TRAF6: variants seen among roughly 807,000 people sequenced by gnomAD.
TRAF6 encodes the protein TNF receptor associated factor 6.
In TRAF6, 10 loss-of-function variants were observed where a neutral mutation model predicts 48.4. The ratio of observed to expected loss-of-function variants is 0.21; its 90% CI spans 0.13 to 0.35. The LOEUF (loss-of-function observed/expected upper bound fraction) is 0.35. Among genes scored for constraint, TRAF6 ranks in the 10% least tolerant of loss-of-function variants. The probability of loss-of-function intolerance (pLI) is 1.00; values close to 1 mark genes in which losing one functional copy is unlikely to be tolerated. For synonymous variants in TRAF6, 186 were observed against 219.6 expected (o/e 0.85, Z 1.35); for missense variants, 397 against 661.0 (o/e 0.60, Z 4.38).
chr11:36,495,459 A>G (rs1328581954), intron 4 of TRAF6, among the ~76,000 whole-genome samples: 1 of 152,218 alleles, frequency 6.6e-6, no homozygotes, highest in African/African-American at 2.4e-5. Context: ...ATCTTTTATT[A>G]GGACATGAGG....
rs1331621311 is a variant in TRAF6, at chr11:36,485,449, C to CT, written c.*4388dup. On this transcript the variant is annotated 3_prime_UTR_variant, in exon 7 of 7. Coordinates refer to ENST00000526995, the MANE Select transcript of TRAF6 (RefSeq NM_004620.4). Reference sequence around the variant, plus strand: ...TAGAAGAGAACTATGGTCACTGCTGCTTGGGCGATTGTCCGAGTGGGACAG... The same window carrying CT: ...TAGAAGAGAACTATGGTCACTGCTGCTTTGGGCGATTGTCCGAGTGGGACAG... Among the ~76,000 whole-genome samples the CT allele has an allele frequency of 6.6e-6, 1 of 152,094 alleles. No individual in the cohort carries two copies. Among genetic ancestry groups the CT allele is most frequent in the Non-Finnish European group, 1.5e-5 (1 of 68,030 alleles).
chr11:36,509,219 C>T (rs1217601925), intron 1 of TRAF6, among the ~76,000 whole-genome samples: 2 of 152,206 alleles, frequency 1.3e-5, no homozygotes, highest in Non-Finnish European at 2.9e-5. Flanking sequence ...AATCTGCTCT[C>T]AGAGAAAGAA....
chr11:36,496,790 C>CA (rs1283336412), intron 4 of TRAF6, among the ~76,000 whole-genome samples: 1 of 151,376 alleles, frequency 6.6e-6, no homozygotes, highest in Admixed American at 6.6e-5. Context: ...GTCTCCAATC[C>CA]AAAATTGGTT....
intron 2 of TRAF6, among the ~76,000 whole-genome samples, chr11:36,500,628 T>G (rs1263374965): frequency 1.3e-5 from 2 of 152,084 alleles, no homozygotes; most frequent in Non-Finnish European, 2.9e-5. Flanking sequence ...AAGACAAGAA[T>G]AGAAAGCAGG....
rs1859815987 is a variant in TRAF6, at chr11:36,507,609, ACGCGCG to A, written c.-23+2433_-23+2438del. On this transcript the variant is annotated intron_variant, in intron 1 of 6. Transcript: ENST00000526995. The stretch of plus-strand genomic sequence containing the variant: ...CGCGCGTGTATATATGTATACATAC[ACGCGCG>A]TGTATATATGTATACATACACGCGC... 5.0e-4 allele frequency among the ~76,000 whole-genome samples: 4 copies of A among 8,006 alleles called. 1 individual carries two copies. The highest frequency in any genetic ancestry group is 9.2e-4 in the African/African-American group (4 of 4,362). 5.3% of individuals were successfully genotyped at this position (8,006 alleles called of 152,430 possible).
chr11:36,496,725 C>T (rs1859641639), intron 4 of TRAF6, among the ~76,000 whole-genome samples: 1 of 152,072 alleles, frequency 6.6e-6, no homozygotes, highest in Admixed American at 6.5e-5. Flanking sequence ...GTTAGAACAA[C>T]CTATTCTGTT....
At position 36,509,382 on chromosome 11, in the gene TRAF6, C is replaced by A. The variant is rs554302627; in HGVS notation, c.-23+666G>T. The stretch of plus-strand genomic sequence containing the variant: ...GCGTCTGGAACAATCGCTCGAACTA[C>A]CGAGTTTAGGGGCGGGGGAGAAAAC... On this transcript the variant is annotated intron_variant, in intron 1 of 6. Transcript: ENST00000526995. 2.6e-5 allele frequency among the ~76,000 whole-genome samples: 4 copies of A among 151,982 alleles called. No individual in the cohort carries two copies. The South Asian group carries it at 6.2e-4, about 24-fold the overall frequency.
At chr11:36,508,749 A>G (rs940990313) in intron 1 of TRAF6, among the ~76,000 whole-genome samples, 1 of 152,200 alleles carries the variant, frequency 6.6e-6, no homozygotes, top group Non-Finnish European at 1.5e-5. Flanking sequence ...AATGGCCAAG[A>G]GATGCTGCAA....
At chr11:36,499,169 A>G (rs113449195) in intron 2 of TRAF6, among the ~76,000 whole-genome samples, 17 of 152,326 alleles carry the variant, frequency 1.1e-4, no homozygotes, top group African/African-American at 4.1e-4. Flanking sequence ...ACAGGCAACA[A>G]AAGTTTCCTT....
In TRAF6 at chr11:36,492,535, G is replaced by GA. The variant is rs3217283; in HGVS notation, c.756+15dup. 1.2e-3 allele frequency: 1,862 copies of GA among 1,545,210 alleles called. 4 individuals carry two copies. The highest frequency in any genetic ancestry group is 5.4e-3 in the East Asian group (240 of 44,128). On this transcript the variant is annotated intron_variant, in intron 6 of 6. Coordinates refer to ENST00000526995, the MANE Select transcript of TRAF6 (RefSeq NM_004620.4). ...TTTTACTTATATTCAAGAATTAAAA[G>GA]AAAAAAAAACCTTACCTTTTCATGG...
chr11:36,497,167 G>C lies in TRAF6; in HGVS notation c.547C>G (p.Pro183Ala). 1 of 1,613,928 alleles carries C rather than the reference G, an allele frequency of 6.2e-7. No individual in the cohort carries two copies. The highest frequency in any genetic ancestry group is 1.3e-5 in the African/African-American group (1 of 74,996). Residue 183 changes from proline (P) to alanine (A), a missense_variant, in exon 4 of 7, where the codon CCA becomes GCA. Pro to Ala is a conservative substitution (Grantham distance 27). Transcript: ENST00000526995. ...HINIHILKDC[P>A]RRQVSCDNCA... ...TTGTCACAAGAAACCTGTCTCCTTG[G>C]ACAATCCTTCAGAATGTGAATATTA...
intron 1 of TRAF6, among the ~76,000 whole-genome samples, chr11:36,503,158 A>T (rs1348654180): frequency 1.3e-5 from 2 of 152,162 alleles, no homozygotes; most frequent in Admixed American, 6.5e-5. Context: ...GCTGCATTTA[A>T]AATTTATTTG....
intron 1 of TRAF6, among the ~76,000 whole-genome samples, chr11:36,502,502 A>C (rs142101009): frequency 2.4e-4 from 37 of 152,152 alleles, no homozygotes; most frequent in Non-Finnish European, 7.3e-5. Flanking sequence ...TATGTGTCAG[A>C]TATCATTCAA....
chr11:36,489,777 A>C lies in TRAF6; in HGVS notation c.*61T>G. 6.6e-7 allele frequency: 1 copy of C among 1,511,546 alleles called. No homozygotes were observed. Among genetic ancestry groups the C allele is most frequent in the Non-Finnish European group, 9.0e-7 (1 of 1,113,990 alleles). 93.6% of individuals were successfully genotyped at this position (1,511,546 alleles called of 1,614,324 possible). On this transcript the variant is annotated 3_prime_UTR_variant, in exon 7 of 7. Coordinates refer to ENST00000526995, the MANE Select transcript of TRAF6 (RefSeq NM_004620.4). ...GCTTGTTTGTTTGCATGTTATTGAG[A>C]ACAGGGCAAGGAAAGGCACTGTTTT... is the stretch of plus-strand genomic sequence containing the variant.
intron 2 of TRAF6, among the ~76,000 whole-genome samples, chr11:36,500,735 C>A (rs986588229): frequency 7.2e-5 from 11 of 152,054 alleles, no homozygotes; most frequent in South Asian, 4.1e-4. Flanking sequence ...GAAGGTAGAG[C>A]CTTCAGTTAA....
In TRAF6 at chr11:36,492,689, C is replaced by T. The variant is rs200615287; in HGVS notation, c.679-61G>A. ...TTGCATATCATTTTCTAGTTTGATG[C>T]GATCACATTTAAACTGTATTGTCAA... is the stretch of plus-strand genomic sequence containing the variant. On this transcript the variant is annotated intron_variant, in intron 5 of 6. Coordinates refer to ENST00000526995, the MANE Select transcript of TRAF6 (RefSeq NM_004620.4). 177 of 1,288,370 alleles carry T rather than the reference C, an allele frequency of 1.4e-4. 2 individuals are homozygous for T. In the East Asian group the frequency reaches 2.6e-3, roughly 19 times the overall value. 79.8% of individuals were successfully genotyped at this position (1,288,370 alleles called of 1,614,324 possible).
At chr11:36,501,644 C>T (rs1859717843) in intron 1 of TRAF6, 107 bp from the exon 2 acceptor site, 2 of 840,010 alleles carry the variant, frequency 2.4e-6, no homozygotes, top group African/African-American at 1.7e-5. Context: ...AATTCATGTA[C>T]ATCAGCTGTA....
chr11:36,495,059 T>C lies in TRAF6; in HGVS notation c.607-12A>G. 1 of 1,573,800 alleles carries C rather than the reference T, an allele frequency of 6.4e-7. No homozygotes were observed. Among genetic ancestry groups the C allele is most frequent in the Non-Finnish European group, 8.7e-7 (1 of 1,151,582 alleles). On this transcript the variant is annotated splice_polypyrimidine_tract_variant and intron_variant, in intron 4 of 6. Transcript: ENST00000526995. ...TTCTGGTCATGGATCTGAATTTTAT[T>C]AGAGAAATATAATTAAAGCATGAGA...
Position 36,489,966 on chromosome 11 carries a change from C to G in TRAF6, c.1441G>C (p.Ala481Pro). Reference sequence around the variant, plus strand: ...TTAATGAAAGTTCTTTGTCTTAGGGCTTCCAGATGCATAAAAGTTACATAG... The same window carrying G: ...TTAATGAAAGTTCTTTGTCTTAGGGGTTCCAGATGCATAAAAGTTACATAG... The part of the protein sequence containing the change: ...FGYVTFMHLE[A>P]LRQRTFIKDD... The change falls in exon 7 of 7, where the codon GCC becomes CCC. Residue 481 changes from alanine (A) to proline (P), a missense_variant. This residue lies in a region of TRAF6 where 74 missense variants were observed against 198.9 expected (regional missense o/e 0.37). Coordinates refer to ENST00000526995, the MANE Select transcript of TRAF6 (RefSeq NM_004620.4). 6.2e-7 allele frequency: 1 copy of G among 1,614,180 alleles called. No individual in the cohort carries two copies. The highest frequency in any genetic ancestry group is 8.5e-7 in the Non-Finnish European group (1 of 1,180,036).
Sources: allele counts gnomAD v4.1 joint callset (sites outside exome capture counted in the v4.1 genomes callset), GRCh38; gene constraint gnomAD v4.1.1; regional missense constraint gnomAD v4.1.1; transcripts MANE v1.5; gene names NCBI Gene and HGNC (gene_info 2026-07-23, HGNC 2026-07-21).